SCN4A: variants seen among roughly 807,000 people sequenced by gnomAD.
The protein encoded by SCN4A is sodium voltage-gated channel alpha subunit 4, also known as sodium channel protein type 4 subunit alpha.
SCN4A carries 83 observed loss-of-function variants against 162.0 expected under a neutral mutation model. That is an observed-to-expected ratio of 0.51 (90% confidence interval 0.43 to 0.61). The LOEUF (loss-of-function observed/expected upper bound fraction) is 0.61. Ranked by LOEUF, SCN4A falls within the 20% of genes least tolerant of loss-of-function variation. The pLI, the probability that SCN4A is intolerant of heterozygous loss-of-function variation, is 0.00. For missense variants in SCN4A, 2,196 were observed against 2,462.5 expected (o/e 0.89, Z 2.29); for synonymous variants, 944 against 985.1 (o/e 0.96, Z 0.78).
chr17:63,966,406 G>A (rs895456329), intron 7 of SCN4A, 75 bp downstream of exon 7: 1 of 1,459,338 alleles, frequency 6.9e-7, no homozygotes, highest in Non-Finnish European at 9.6e-7. Context: ...ATGCCCCCCA[G>A]GTCCTCATCT....
At chr17:63,959,496 T>C (rs1030503721) in intron 11 of SCN4A, 58 bp from the exon 12 acceptor site, 3 of 1,533,884 alleles carry the variant, frequency 2.0e-6, no homozygotes, top group South Asian at 2.3e-5. Flanking sequence ...GCCCTGGAAG[T>C]CTCCCACCCA....
At chr17:63,947,004 C>T in intron 18 of SCN4A, 41 bp downstream of exon 18, 1 of 1,428,048 alleles carries the variant, frequency 7.0e-7, no homozygotes, top group South Asian at 1.2e-5. Context: ...GTGGCCGGTC[C>T]CCCATCCCCA....
chr17:63,961,956 T>C (rs986873834), intron 10 of SCN4A, among the ~76,000 whole-genome samples: 6 of 145,650 alleles, frequency 4.1e-5, no homozygotes, highest in Admixed American at 3.5e-4. Flanking sequence ...TCCCAACTCC[T>C]GAGGAAGCCC....
In SCN4A at chr17:63,945,498, G is replaced by A. The variant is rs770746245; in HGVS notation, c.3582C>T (p.Thr1194=). 1 of 1,613,988 alleles carries A rather than the reference G, an allele frequency of 6.2e-7. No homozygotes were observed. The highest frequency in any genetic ancestry group is 8.5e-7 in the Non-Finnish European group (1 of 1,179,880). The change falls in exon 19 of 24, where the codon ACC becomes ACT. Residue 1194 remains threonine, a synonymous_variant. Transcript: ENST00000435607. This position sits in a 1 kb window ranked among gnomAD's most constrained non-coding sequence, Gnocchi z 4.4. The stretch of plus-strand genomic sequence containing the variant: ...CCTCGGAGATGTCGAACCTCTCAGA[G>A]GTGGTGGTGTTGATGCAGTAGTAGA... ...GKFYYCINTT[T]SERFDISEVN... is the part of the protein sequence containing the mutation.
rs1188352715 is a variant in SCN4A at position 63,968,231 on chromosome 17, C to G, written c.828G>C (p.Leu276=). ...GGGGCCAGCGCACACACTTCTGCCT[C>G]AGGTTTCCCATGAAGAGCTGCAGTC... ...LVGLQLFMGN[L]RQKCVRWPPP... Residue 276 remains leucine (L), a synonymous_variant, in exon 6 of 24, where the codon CTG becomes CTC. Coordinates refer to ENST00000435607, the MANE Select transcript of SCN4A (RefSeq NM_000334.4). The G allele has an allele frequency of 6.2e-7, 1 of 1,613,980 alleles. No homozygotes were observed. The highest frequency in any genetic ancestry group is 8.5e-7 in the Non-Finnish European group (1 of 1,179,970).
Position 63,972,732 on chromosome 17 carries a change from G to C in SCN4A, c.110C>G (p.Ala37Gly), listed in dbSNP as rs1909655950. Residue 37 changes from alanine (A) to glycine (G), a missense_variant, in exon 1 of 24, where the codon GCC (alanine) becomes GGC (glycine). Transcript: ENST00000435607. The surrounding 1 kb of genome is among the most constrained non-coding windows in gnomAD (Gnocchi z 4.3). ...AIEQRAVEEE[A>G]RLQRNKQMEI... ...CATCTGCTTATTCCGCTGCAGCCGG[G>C]CCTCCTCCTCCACCGCCCGCTGTTC... The C allele has an allele frequency of 6.2e-7, 1 of 1,613,658 alleles. No homozygotes were observed. The highest frequency in any genetic ancestry group is 1.1e-5 in the South Asian group (1 of 91,032).
rs926114144 is a variant in SCN4A at position 63,940,571 on chromosome 17, G to A, written c.*200C>T. ...CAGACCCAGCATGGAGCCCCTGAGC[G>A]CAATTCCCATTTCCCATGGTCTGGG... On this transcript the variant is annotated 3_prime_UTR_variant, in exon 24 of 24. Transcript: ENST00000435607. The A allele has an allele frequency of 1.1e-5, 6 of 558,492 alleles. No homozygotes were observed. The highest frequency in any genetic ancestry group is 7.1e-5 in the Admixed American group (2 of 28,298). The allele number at this position is 558,492 out of a possible 1,614,324, so 34.6% of individuals were successfully genotyped here.
chr17:63,972,673 C>G lies in SCN4A; in HGVS notation c.169G>C (p.Asp57His). 6.2e-7 allele frequency: 1 copy of G among 1,613,494 alleles called. No homozygotes were observed. Among genetic ancestry groups the G allele is most frequent in the Non-Finnish European group, 8.5e-7 (1 of 1,179,660 alleles). The change falls in exon 1 of 24, where the codon GAC (aspartate) becomes CAC (histidine). Residue 57 changes from aspartate to histidine, a missense_variant. Coordinates refer to ENST00000435607, the MANE Select transcript of SCN4A (RefSeq NM_000334.4). This position sits in a 1 kb window ranked among gnomAD's most constrained non-coding sequence, Gnocchi z 4.3. ...IEEPERKPRS[D>H]LEAGKNLPMI... ...GGTAGGTTCTTGCCAGCCTCCAAGTCACTTCGTGGCTTCCGTTCGGGCTCC... is the reference window on the plus strand; with the variant it reads ...GGTAGGTTCTTGCCAGCCTCCAAGTGACTTCGTGGCTTCCGTTCGGGCTCC...
intron 13 of SCN4A, among the ~76,000 whole-genome samples, chr17:63,956,489 T>C (rs1909075313): frequency 6.6e-6 from 1 of 152,222 alleles, no homozygotes; most frequent in East Asian, 1.9e-4. Flanking sequence ...GGCCTTGGCC[T>C]CCTAAAGTGC....
chr17:63,947,182 T>G lies in SCN4A; in HGVS notation c.3319-15A>C, dbSNP rs553552497. 3 of 1,612,300 alleles carry G rather than the reference T, an allele frequency of 1.9e-6. No individual in the cohort carries two copies. Among genetic ancestry groups the G allele is most frequent in the Middle Eastern group, 3.4e-4 (2 of 5,814 alleles). ...ATGATGGAGACCTGCAGGGGAGGGG[T>G]GAGGGGATCAGTGCGTGCAAGGCCC... On this transcript the variant is annotated splice_polypyrimidine_tract_variant and intron_variant, in intron 17 of 23. Transcript: ENST00000435607.
At position 63,972,562 on chromosome 17, in the gene SCN4A, C is replaced by T. The variant is rs369039376; in HGVS notation, c.273+7G>A. 2.5e-6 allele frequency: 4 copies of T among 1,592,676 alleles called. No individual in the cohort carries two copies. In the Admixed American group the frequency reaches 7.2e-5, roughly 29 times the overall value. On this transcript the variant is annotated splice_region_variant and intron_variant, in intron 1 of 23. Coordinates refer to ENST00000435607, the MANE Select transcript of SCN4A (RefSeq NM_000334.4). This position sits in a 1 kb window ranked among gnomAD's most constrained non-coding sequence, Gnocchi z 4.3. ...GACAGACAGAGGAAGCCTTCCCAGG[C>T]CCAGACCTTCTTATTGCTGTAGTAG...
chr17:63,945,674 C>T lies in SCN4A; in HGVS notation c.3442-36G>A. On this transcript the variant is annotated intron_variant, in intron 18 of 23. Transcript: ENST00000435607. The surrounding 1 kb of genome is among the most constrained non-coding windows in gnomAD (Gnocchi z 4.4). Reference sequence around the variant, plus strand: ...GGGGGTCCATTGCCAGTGCCTCTCCCAGCCTCTGAGAGAGGGCTCCACATC... The same window carrying T: ...GGGGGTCCATTGCCAGTGCCTCTCCTAGCCTCTGAGAGAGGGCTCCACATC... 3.7e-6 allele frequency: 6 copies of T among 1,612,084 alleles called. No homozygotes were observed. Among genetic ancestry groups the T allele is most frequent in the Non-Finnish European group, 5.1e-6 (6 of 1,178,968 alleles).
intron 10 of SCN4A, 127 bp downstream of exon 10, chr17:63,963,545 C>A (rs1255158422): frequency 4.0e-6 from 4 of 1,008,366 alleles, no homozygotes; most frequent in Non-Finnish European, 4.1e-6. Context: ...CCCACCCTGA[C>A]CTCAGGGGCC....
At chr17:63,960,488 G>A (rs1351512966) in intron 11 of SCN4A, among the ~76,000 whole-genome samples, 2 of 152,226 alleles carry the variant, frequency 1.3e-5, no homozygotes, top group African/African-American at 4.8e-5. Flanking sequence ...AACCTTCAGG[G>A]TTGGGGAGCA....
At position 63,950,291 on chromosome 17, in the gene SCN4A, T is replaced by C. The variant is rs1265426663; in HGVS notation, c.2854-763A>G. 2.0e-5 allele frequency among the ~76,000 whole-genome samples: 3 copies of C among 152,160 alleles called. No individual in the cohort carries two copies. The highest frequency in any genetic ancestry group is 4.4e-5 in the Non-Finnish European group (3 of 68,014). Reference sequence around the variant, plus strand: ...ACCACCATGGCCGGGGTGGGGGTCCTTGTTTTCATTAGACTAAAAGGGAAA... The same window carrying C: ...ACCACCATGGCCGGGGTGGGGGTCCCTGTTTTCATTAGACTAAAAGGGAAA... On this transcript the variant is annotated intron_variant, in intron 14 of 23. Transcript: ENST00000435607. This position sits in a 1 kb window ranked among gnomAD's most constrained non-coding sequence, Gnocchi z 4.6.
chr17:63,946,775 A>G (rs1178693078), intron 18 of SCN4A, among the ~76,000 whole-genome samples: 1 of 152,038 alleles, frequency 6.6e-6, no homozygotes, highest in Non-Finnish European at 1.5e-5. Flanking sequence ...GTGCTTCTGC[A>G]GTCTCTGCTC....
Position 63,949,467 on chromosome 17 carries a change from G to T in SCN4A, c.2915C>A (p.Pro972His), listed in dbSNP as rs1908837504. 6.2e-7 allele frequency: 1 copy of T among 1,612,104 alleles called. No individual in the cohort carries two copies. The change falls in exon 15 of 24, where the codon CCC (proline) becomes CAC (histidine). Residue 972 changes from proline (P) to histidine (H), a missense_variant. By Grantham distance (77) the Pro-to-His change is moderately conservative. Transcript: ENST00000435607. The part of the protein sequence containing the change: ...SSVCSTADYK[P>H]PEEDPEEQAE... ...CTGCTCCTCAGGGTCCTCCTCGGGG[G>T]GCTTGTAGTCAGCTGTGCTGCAGAC...
Position 63,949,444 on chromosome 17 carries a change from G to A in SCN4A, c.2938C>T (p.Gln980Ter). 6.2e-7 allele frequency: 1 copy of A among 1,607,300 alleles called. No homozygotes were observed. Among genetic ancestry groups the A allele is most frequent in the Non-Finnish European group, 8.5e-7 (1 of 1,176,728 alleles). The change falls in exon 15 of 24, where the codon CAG (glutamine) becomes TAG (stop). Residue 980 changes from glutamine (Q) to a stop codon, truncating the protein, a stop_gained. Transcript: ENST00000435607. LOFTEE classifies it high-confidence loss of function. ...YKPPEEDPEE[Q>*]AEENPEGEQP... is the part of the protein sequence containing the mutation. Reference sequence around the variant, plus strand: ...TCCCCCTCGGGGTTCTCCTCTGCCTGCTCCTCAGGGTCCTCCTCGGGGGGC... The same window carrying A: ...TCCCCCTCGGGGTTCTCCTCTGCCTACTCCTCAGGGTCCTCCTCGGGGGGC...
In SCN4A at chr17:63,969,113, G is replaced by T. The variant is rs143260144; in HGVS notation, c.704-758C>A. Among the ~76,000 whole-genome samples the T allele has an allele frequency of 5.1e-4, 78 of 152,330 alleles. No homozygotes were observed. In the East Asian group the frequency reaches 0.014, roughly 28 times the overall value. On this transcript the variant is annotated intron_variant, in intron 5 of 23. Transcript: ENST00000435607. ...CTGCCTCAGCCTCCCAAAATGCTGG[G>T]ATTACAGGCATGAGCCACCTCACCT...
Sources: allele counts gnomAD v4.1 joint callset (sites outside exome capture counted in the v4.1 genomes callset), GRCh38; gene constraint gnomAD v4.1.1; non-coding constraint Gnocchi (gnomAD v3.1); transcripts MANE v1.5; gene names NCBI Gene and HGNC (gene_info 2026-07-23, HGNC 2026-07-21).